ANXA4: variants seen among roughly 807,000 people sequenced by gnomAD.
ANXA4 encodes the protein annexin A4.
ANXA4 carries 39 observed loss-of-function variants against 49.8 expected under a neutral mutation model. The ratio of observed to expected loss-of-function variants is 0.78; its 90% CI spans 0.61 to 1.02. The LOEUF (loss-of-function observed/expected upper bound fraction) is 1.02, where lower values mean the gene tolerates loss of function less well. ANXA4 is among the 50% of genes least tolerant of loss of function. ANXA4 has a pLI of 0.00. For missense variants in ANXA4, 360 were observed against 410.1 expected (o/e 0.88, Z 1.05); for synonymous variants, 134 against 152.5 (o/e 0.88, Z 0.89).
At chr2:69,687,940 A>C (rs978769041) in intron 2 of ANXA4, among the ~76,000 whole-genome samples, 20 of 152,370 alleles carry the variant, frequency 1.3e-4, no homozygotes, top group African/African-American at 4.6e-4. Context: ...ACATAAGAGC[A>C]TTTTGAAAAT....
intron 1 of ANXA4, among the ~76,000 whole-genome samples, chr2:69,765,220 G>A (rs559114874): frequency 6.6e-6 from 1 of 152,252 alleles, no homozygotes; most frequent in East Asian, 1.9e-4. Context: ...CCTGCTTCCT[G>A]TTCTTTTGGG....
At chr2:69,746,262 G>A (rs1297095458) in intron 1 of ANXA4, among the ~76,000 whole-genome samples, 3 of 151,128 alleles carry the variant, frequency 2.0e-5, no homozygotes, top group South Asian at 2.1e-4. Context: ...CACCCGCCTC[G>A]GCCTCCCAAA....
intron 7 of ANXA4, chr2:69,810,883 G>C (rs1673676958): frequency 1.8e-6 from 1 of 558,428 alleles, no homozygotes; most frequent in African/African-American, 1.9e-5. Flanking sequence ...ATATTTACAA[G>C]TACCTAACAC....
intron 2 of ANXA4, among the ~76,000 whole-genome samples, chr2:69,679,176 G>T (rs956804140): frequency 6.6e-6 from 1 of 151,922 alleles, no homozygotes; most frequent in Non-Finnish European, 1.5e-5. Context: ...TCACTCTGTT[G>T]CCCAGACTGT....
At chr2:69,735,467 G>A (rs1406615508) in intron 3 of ANXA4, among the ~76,000 whole-genome samples, 6 of 152,242 alleles carry the variant, frequency 3.9e-5, no homozygotes, top group East Asian at 1.9e-4. Context: ...GTCCACCATC[G>A]TCTTGGTTTA....
chr2:69,725,518 C>A (rs1669940865), intron 3 of ANXA4, among the ~76,000 whole-genome samples: 1 of 151,846 alleles, frequency 6.6e-6, no homozygotes, highest in African/African-American at 2.4e-5. Flanking sequence ...TAAAAGTGTG[C>A]CTTAAGTGTA....
rs139717287 is a variant in ANXA4, at chr2:69,658,144, T to G, written n.766+4862T>G. On this transcript the variant is annotated intron_variant and non_coding_transcript_variant, in intron 2 of 3. Coordinates refer to the ANXA4 transcript ENST00000418066. ...GGGGCACAGTGGCACACACCTGTAATCCCAGCACTTTGAAAGGCTGAGGCA... is the reference window on the plus strand; with the variant it reads ...GGGGCACAGTGGCACACACCTGTAAGCCCAGCACTTTGAAAGGCTGAGGCA... 2.0e-5 allele frequency among the ~76,000 whole-genome samples: 3 copies of G among 152,120 alleles called. No homozygotes were observed. The East Asian group carries it at 5.8e-4, about 29-fold the overall frequency.
chr2:69,777,778 T>C (rs1049803124), intron 1 of ANXA4, among the ~76,000 whole-genome samples: 1 of 152,208 alleles, frequency 6.6e-6, no homozygotes, highest in Non-Finnish European at 1.5e-5. Context: ...CATTCAGGTC[T>C]TAGTTCAGAT....
At chr2:69,673,893 G>T in intron 2 of ANXA4, 1 of 152,344 alleles carries the variant, frequency 6.6e-6, no homozygotes, top group Non-Finnish European at 1.5e-5. Flanking sequence ...CACCTGGGGA[G>T]ATATGAGGCT....
intron 3 of ANXA4, among the ~76,000 whole-genome samples, chr2:69,798,610 C>T (rs1462892597): frequency 6.6e-6 from 1 of 152,244 alleles, no homozygotes; most frequent in Non-Finnish European, 1.5e-5. Context: ...ATTCCCGGCA[C>T]CCTGAGGGCA....
intron 2 of ANXA4, among the ~76,000 whole-genome samples, chr2:69,682,615 C>A (rs1653342950): frequency 6.6e-6 from 1 of 151,982 alleles, no homozygotes; most frequent in Non-Finnish European, 1.5e-5. Context: ...TTCTCAACAA[C>A]TGTATTTTTT....
At chr2:69,815,499 T>C (rs534385860) in intron 8 of ANXA4, 1 of 152,352 alleles carries the variant, frequency 6.6e-6, no homozygotes, top group South Asian at 2.1e-4. Context: ...TGTAGTTAAA[T>C]TGAGCAGAAT....
intron 1 of ANXA4, among the ~76,000 whole-genome samples, chr2:69,773,267 G>A (rs1483101034): frequency 6.6e-6 from 1 of 152,144 alleles, no homozygotes; most frequent in Non-Finnish European, 1.5e-5. Context: ...TCCACTTCTT[G>A]ATGTGGTAAA....
intron 2 of ANXA4, among the ~76,000 whole-genome samples, chr2:69,689,108 T>G (rs1217531426): frequency 2.0e-5 from 3 of 152,162 alleles, no homozygotes; most frequent in Non-Finnish European, 2.9e-5. Flanking sequence ...CCTTTTTTTT[T>G]GGAGACAGAG....
At chr2:69,684,749 G>A (rs1677724784) in intron 2 of ANXA4, among the ~76,000 whole-genome samples, 1 of 151,474 alleles carries the variant, frequency 6.6e-6, no homozygotes, top group South Asian at 2.1e-4. Context: ...TAGGGCCACT[G>A]TCAATGGGGG....
chr2:69,810,607 C>G lies in ANXA4; in HGVS notation c.411C>G (p.Ser137Arg), dbSNP rs2228202. ...CTCTCTTGCTAGAATATGGACGGAG[C>G]CTTGAAGATGACATTCGCTCTGACA... is the stretch of plus-strand genomic sequence containing the variant. ...SQTYQQQYGR[S>R]LEDDIRSDTS... The change falls in exon 7 of 13, where the codon AGC becomes AGG. Residue 137 changes from serine to arginine, a missense_variant. Ser to Arg is a moderately radical substitution (Grantham distance 110). Transcript: ENST00000394295. The G allele has an allele frequency of 0.023, 37,656 of 1,613,780 alleles. 4,398 individuals carry two copies. In the Admixed American group the frequency reaches 0.3, roughly 13 times the overall value.
intron 1 of ANXA4, among the ~76,000 whole-genome samples, chr2:69,763,686 A>G (rs1313352848): frequency 3.5e-5 from 5 of 141,236 alleles, no homozygotes; most frequent in African/African-American, 5.3e-5. Context: ...TTTTTGAGAT[A>G]GAGTCTCGCT....
chr2:69,770,274 A>G (rs1180323343), intron 1 of ANXA4, among the ~76,000 whole-genome samples: 1 of 152,254 alleles, frequency 6.6e-6, no homozygotes, highest in Non-Finnish European at 1.5e-5. Flanking sequence ...AAAGAAGGAA[A>G]AAAAGAGAGT....
chr2:69,788,921 C>T (rs10210787), intron 3 of ANXA4, among the ~76,000 whole-genome samples: 36,900 of 148,874 alleles, frequency 0.25, 4,629 homozygotes, highest in East Asian at 0.33. Flanking sequence ...GGAAAGAAAA[C>T]ACATGGAACA....
Sources: gnomAD v4.1 joint callset for allele counts (sites outside exome capture counted in the v4.1 genomes callset) on GRCh38, gnomAD v4.1.1 for gene constraint, MANE v1.5 for transcripts, NCBI Gene and HGNC (gene_info 2026-07-23, HGNC 2026-07-21) for gene names.